The following FANCM variants were observed in gnomAD, a reference collection of about 807,000 sequenced individuals.
The protein encoded by FANCM is Fanconi anemia group M protein.
A neutral mutation model predicts 199.5 loss-of-function variants in FANCM; 140 were observed. The ratio of observed to expected loss-of-function variants is 0.70; its 90% CI spans 0.61 to 0.81. FANCM has a LOEUF of 0.81. FANCM is among the 30% of genes least tolerant of loss of function. FANCM has a pLI of 0.00. For synonymous variants in FANCM, 840 were observed against 836.8 expected (o/e 1.00, Z -0.07); for missense variants, 2,410 against 2,421.4 (o/e 1.00, Z 0.10).
At position 45,175,474 on chromosome 14, in the gene FANCM, C is replaced by T. The variant is rs2139243423; in HGVS notation, c.2720C>T (p.Ala907Val). 1 of 1,608,410 alleles carries T rather than the reference C, an allele frequency of 6.2e-7. No homozygotes were observed. The highest frequency in any genetic ancestry group is 1.1e-5 in the South Asian group (1 of 89,764). ...DKRTSDTDEI[A>V]ATCTINENVI... is the part of the protein sequence containing the mutation. ...AGGACATCAGATACAGATGAAATTGCTGCCACATGTACTATTAATGAAAAT... is the reference window on the plus strand; with the variant it reads ...AGGACATCAGATACAGATGAAATTGTTGCCACATGTACTATTAATGAAAAT... Residue 907 changes from alanine to valine, a missense_variant, in exon 14 of 23, where the codon GCT becomes GTT. Transcript: ENST00000267430.
At chr14:45,195,360 C>G in intron 20 of FANCM, 1 of 342,708 alleles carries the variant, frequency 2.9e-6, no homozygotes, top group Non-Finnish European at 5.9e-6. Context: ...GATACCAATT[C>G]GAGATCTTAC....
chr14:45,142,337 C>G (rs1353986469), intron 3 of FANCM, among the ~76,000 whole-genome samples: 18 of 147,262 alleles, frequency 1.2e-4, no homozygotes, highest in Non-Finnish European at 2.2e-4. Context: ...GACGAAGTCT[C>G]GCACTGTTGC....
rs747572587 is a variant in FANCM at position 45,155,457 on chromosome 14, A to G, written c.1394A>G (p.Asn465Ser). 4.9e-6 allele frequency: 7 copies of G among 1,437,176 alleles called. No individual in the cohort carries two copies. The highest frequency in any genetic ancestry group is 6.9e-6 in the Non-Finnish European group (7 of 1,020,670). 89.0% of individuals were successfully genotyped at this position (1,437,176 alleles called of 1,614,324 possible). A position where few individuals can be genotyped will look rare whatever the true frequency, so the allele number is the denominator to read the frequency against. The change falls in exon 8 of 23, where the codon AAT (asparagine) becomes AGT (serine). Residue 465 changes from asparagine (N) to serine (S), a missense_variant and splice_region_variant. Transcript: ENST00000267430. Reference sequence around the variant, plus strand: ...GTAATTGAACACTTCAAGTCATGGAATGGTAGGTCATATTTAGTAGCTTTA... The same window carrying G: ...GTAATTGAACACTTCAAGTCATGGAGTGGTAGGTCATATTTAGTAGCTTTA... Reference protein sequence around the residue: ...EVVIEHFKSWNAENTTEKKRD... With the variant: ...EVVIEHFKSWSAENTTEKKRD...
intron 13 of FANCM, among the ~76,000 whole-genome samples, chr14:45,174,153 G>A (rs190796662): frequency 4.0e-5 from 6 of 150,318 alleles, no homozygotes; most frequent in Non-Finnish European, 8.9e-5. Flanking sequence ...TTGGGAGGCC[G>A]AAGCAGGCAG....
rs1469837381 is a variant in FANCM, at chr14:45,198,784, C to G, written c.5857C>G (p.Gln1953Glu). Residue 1953 changes from glutamine (Q) to glutamate (E), a missense_variant, in exon 22 of 23, where the codon CAA becomes GAA. Transcript: ENST00000267430. ...DLLKELSLVE[Q>E]RKNVGIHVPT... ...GCTAAAGGAACTGTCTTTAGTGGAA[C>G]AAAGAAAGAATGTTGGTATTCATGT... 1 of 1,613,904 alleles carries G rather than the reference C, an allele frequency of 6.2e-7. No individual in the cohort carries two copies. Among genetic ancestry groups the G allele is most frequent in the Non-Finnish European group, 8.5e-7 (1 of 1,179,910 alleles).
At chr14:45,157,676 A>C (rs1887293690) in intron 8 of FANCM, among the ~76,000 whole-genome samples, 1 of 152,238 alleles carries the variant, frequency 6.6e-6, no homozygotes, top group South Asian at 2.1e-4. Flanking sequence ...CTGGTCACAT[A>C]CAGAGACTTG....
chr14:45,153,154 A>G (rs1886941971), intron 5 of FANCM, among the ~76,000 whole-genome samples: 1 of 152,214 alleles, frequency 6.6e-6, no homozygotes, highest in African/African-American at 2.4e-5. Context: ...TATCAGATAG[A>G]TACACATACC....
intron 11 of FANCM, 64 bp from the exon 12 acceptor site, chr14:45,170,525 T>C (rs1888268294): frequency 1.0e-5 from 12 of 1,181,338 alleles, no homozygotes; most frequent in Non-Finnish European, 1.5e-5. Flanking sequence ...GAATGGATAT[T>C]GTGGGTTTTT....
At chr14:45,152,331 C>T (rs1239888317) in intron 5 of FANCM, among the ~76,000 whole-genome samples, 1 of 152,104 alleles carries the variant, frequency 6.6e-6, no homozygotes, top group Admixed American at 6.5e-5. Context: ...CCACAGTGCC[C>T]AACCTTTCTT....
intron 11 of FANCM, among the ~76,000 whole-genome samples, chr14:45,167,823 G>A (rs905059133): frequency 2.0e-5 from 3 of 152,164 alleles, no homozygotes; most frequent in African/African-American, 7.2e-5. Flanking sequence ...AACCTTGGGA[G>A]TCATGTGGTC....
intron 10 of FANCM, among the ~76,000 whole-genome samples, chr14:45,165,084 A>T (rs1210949653): frequency 6.6e-6 from 1 of 152,230 alleles, no homozygotes; most frequent in East Asian, 1.9e-4. Flanking sequence ...AACTTGAGTT[A>T]TATTCATACT....
intron 9 of FANCM, among the ~76,000 whole-genome samples, chr14:45,160,721 T>C (rs1001958067): frequency 6.6e-6 from 1 of 152,032 alleles, no homozygotes; most frequent in African/African-American, 2.4e-5. Context: ...TTTTGTATTT[T>C]TAATAGAGAC....
chr14:45,169,475 A>G (rs1888204832), intron 11 of FANCM, among the ~76,000 whole-genome samples: 1 of 151,504 alleles, frequency 6.6e-6, no homozygotes, highest in African/African-American at 2.4e-5. Flanking sequence ...ATCCTAGCTC[A>G]TCATGAAGCC....
chr14:45,190,565 C>T (rs187074116), intron 20 of FANCM, among the ~76,000 whole-genome samples: 1 of 152,158 alleles, frequency 6.6e-6, no homozygotes, highest in East Asian at 1.9e-4. Context: ...CAACACCCTC[C>T]GCCCCAACCT....
chr14:45,199,779 A>C, intron 22 of FANCM, 91 bp from the exon 23 acceptor site: 1 of 1,115,688 alleles, frequency 9.0e-7, no homozygotes. Flanking sequence ...ATTTCCTTAA[A>C]GGCTACTGTG....
chr14:45,163,962 TG>T (rs1392349957), intron 9 of FANCM, among the ~76,000 whole-genome samples: 1 of 152,222 alleles, frequency 6.6e-6, no homozygotes, highest in East Asian at 1.9e-4. Flanking sequence ...TTTGTTTTGT[TG>T]AAACGAGGCT....
chr14:45,161,431 A>G (rs139856650), intron 9 of FANCM, among the ~76,000 whole-genome samples: 3 of 152,176 alleles, frequency 2.0e-5, no homozygotes, highest in Admixed American at 6.5e-5. Flanking sequence ...TCTGACCGAG[A>G]TGAGAAGTTC....
intron 8 of FANCM, among the ~76,000 whole-genome samples, chr14:45,155,995 G>T: frequency 6.6e-6 from 1 of 152,178 alleles, no homozygotes; most frequent in East Asian, 1.9e-4. Flanking sequence ...TTAGCATGGG[G>T]TAATATAAGG....
intron 2 of FANCM, among the ~76,000 whole-genome samples, chr14:45,138,381 T>C (rs937489002): frequency 6.6e-6 from 1 of 152,220 alleles, no homozygotes; most frequent in African/African-American, 2.4e-5. Flanking sequence ...TATTGTATTA[T>C]ATCTCTGTAT....
Sources: allele counts gnomAD v4.1 joint callset (sites outside exome capture counted in the v4.1 genomes callset), GRCh38; gene constraint gnomAD v4.1.1; transcripts MANE v1.5; gene names NCBI Gene and HGNC (gene_info 2026-07-23, HGNC 2026-07-21).